FHAD1: variants seen among roughly 807,000 people sequenced by gnomAD.
FHAD1 encodes the protein forkhead associated phosphopeptide binding domain 1, also known as forkhead-associated domain-containing protein 1.
Under a neutral mutation model 191.3 loss-of-function variants are expected in FHAD1, and 146 were observed. The ratio of observed to expected loss-of-function variants is 0.76; its 90% CI spans 0.67 to 0.88. FHAD1 has a LOEUF of 0.88. Among genes scored for constraint, FHAD1 ranks in the 40% least tolerant of loss-of-function variants. FHAD1 has a pLI of 0.00. For synonymous variants in FHAD1, 616 were observed against 672.3 expected (o/e 0.92, Z 1.29); for missense variants, 1,635 against 1,785.8 (o/e 0.92, Z 1.52).
At chr1:15,392,150 C>A (rs1393438683) in intron 33 of FHAD1, among the ~76,000 whole-genome samples, 1 of 152,182 alleles carries the variant, frequency 6.6e-6, no homozygotes, top group Non-Finnish European at 1.5e-5. Flanking sequence ...ATTTATCCAG[C>A]CCTCCAGCCA....
rs563318873 is a variant in FHAD1, at chr1:15,260,139, G to A, written c.93+8262G>A. 3.3e-5 allele frequency among the ~76,000 whole-genome samples: 5 copies of A among 152,320 alleles called. No individual in the cohort carries two copies. In the South Asian group the frequency reaches 1.0e-3, roughly 32 times the overall value. The stretch of plus-strand genomic sequence containing the variant: ...AACGTAGGCAGAATGGGTGGACAAA[G>A]AACAGAAGGGCGGCTCTAGAACAGG... On this transcript the variant is annotated intron_variant, in intron 2 of 33. Coordinates refer to ENST00000688493, the MANE Select transcript of FHAD1 (RefSeq NM_001391957.1).
intron 31 of FHAD1, chr1:15,383,989 T>C: frequency 3.0e-6 from 1 of 335,400 alleles, no homozygotes; most frequent in Non-Finnish European, 6.0e-6. Context: ...CGTGTGTGTG[T>C]ACATTCTCAT....
At chr1:15,362,831 A>G in intron 23 of FHAD1, 105 bp downstream of exon 23, 1 of 848,732 alleles carries the variant, frequency 1.2e-6, no homozygotes, top group Non-Finnish European at 1.9e-6. Flanking sequence ...TCAGAAGCCA[A>G]ACAAGGAGCC....
chr1:15,260,090 G>A (rs574460292), intron 2 of FHAD1, among the ~76,000 whole-genome samples: 5 of 152,300 alleles, frequency 3.3e-5, no homozygotes, highest in East Asian at 1.9e-4. Flanking sequence ...GATTGTCTTC[G>A]TTATTTTGAA....
chr1:15,388,278 T>A (rs3737694), intron 32 of FHAD1, 147 bp downstream of exon 32: 56,610 of 150,168 alleles, frequency 0.38, 9,569 homozygotes, highest in African/African-American at 0.76. Context: ...CCTCTGCCCC[T>A]CGTCCCTCCC....
intron 3 of FHAD1, among the ~76,000 whole-genome samples, chr1:15,279,554 CAAAAAAAAA>C (rs57662759): frequency 1.0e-5 from 1 of 96,878 alleles, no homozygotes; most frequent in African/African-American, 3.5e-5. Context: ...CCTTAAAACT[CAAAAAAAAA>C]AAAAAAAAAA....
At chr1:15,361,456 G>A (rs1694784707) in intron 22 of FHAD1, among the ~76,000 whole-genome samples, 1 of 151,610 alleles carries the variant, frequency 6.6e-6, no homozygotes, top group Non-Finnish European at 1.5e-5. Flanking sequence ...AAACATGGCT[G>A]TAGTCCCCAG....
intron 22 of FHAD1, among the ~76,000 whole-genome samples, chr1:15,361,270 T>C (rs1363639110): frequency 1.3e-5 from 2 of 152,146 alleles, no homozygotes; most frequent in East Asian, 3.9e-4. Flanking sequence ...CTGTTGACAT[T>C]TGGAGCAGGA....
intron 16 of FHAD1, among the ~76,000 whole-genome samples, chr1:15,343,088 A>G (rs946102235): frequency 1.3e-5 from 2 of 152,028 alleles, no homozygotes; most frequent in Non-Finnish European, 2.9e-5. Context: ...ATGAGCCACC[A>G]TACCTGAGGG....
At chr1:15,398,784 CAAAA>C (rs5772639), downstream of FHAD1, among the ~76,000 whole-genome samples, 1 of 133,782 alleles carries the variant, frequency 7.5e-6, no homozygotes, top group African/African-American at 2.8e-5. Flanking sequence ...GCCAGGCAGC[CAAAA>C]AAAAAAAAAA....
intron 19 of FHAD1, 117 bp from the exon 20 acceptor site, chr1:15,352,760 G>C (rs1691324504): frequency 1.4e-6 from 1 of 725,138 alleles, no homozygotes; most frequent in South Asian, 1.8e-5. Flanking sequence ...TGTTCTTTGA[G>C]ATCTTTCTCT....
Position 15,393,430 on chromosome 1 carries a change from GCACA to G in FHAD1, c.4323+2189_4323+2192del, listed in dbSNP as rs57536175. On this transcript the variant is annotated intron_variant, in intron 33 of 33. Transcript: ENST00000688493. ...CATAGATGTGGACACACACACACACGCACACACACACACACACACACACACTGCT... is the reference window on the plus strand; with the variant it reads ...CATAGATGTGGACACACACACACACGCACACACACACACACACACACTGCT... Among the ~76,000 whole-genome samples, 163 of 146,824 alleles carry G rather than the reference GCACA, an allele frequency of 1.1e-3. 1 individual carries two copies. Among genetic ancestry groups the G allele is most frequent in the East Asian group, 3.2e-3 (16 of 4,976 alleles).
chr1:15,394,778 T>C (rs77814836), intron 33 of FHAD1, among the ~76,000 whole-genome samples: 386 of 152,280 alleles, frequency 2.5e-3, no homozygotes, highest in African/African-American at 8.8e-3. Flanking sequence ...GAAACGCGAC[T>C]AGCCACCCAG....
At chr1:15,402,977 GC>G (rs1203234259), downstream of FHAD1, 2 of 152,160 alleles carry the variant, frequency 1.3e-5, no homozygotes, top group African/African-American at 4.8e-5. Flanking sequence ...AATGAGCATG[GC>G]CATGTTTCAA....
At chr1:15,244,051 A>AT (rs60249162), upstream of FHAD1, among the ~76,000 whole-genome samples, 16,581 of 148,990 alleles carry the variant, frequency 0.11, 1,003 homozygotes, top group East Asian at 0.18. The surrounding 1 kb of genome is among the most constrained non-coding windows in gnomAD (Gnocchi z 5.1). Flanking sequence ...AGAAACATCT[A>AT]TTTTTTTTTT....
chr1:15,304,936 C>T (rs6693441), intron 6 of FHAD1, among the ~76,000 whole-genome samples: 8,836 of 143,834 alleles, frequency 0.061, 270 homozygotes, highest in African/African-American at 0.082. Flanking sequence ...GTGCAGGGCA[C>T]ACCGTATCTG....
intron 16 of FHAD1, among the ~76,000 whole-genome samples, chr1:15,342,494 G>A (rs2102273267): frequency 6.6e-6 from 1 of 152,258 alleles, no homozygotes; most frequent in African/African-American, 2.4e-5. Flanking sequence ...TTAGGGCGAA[G>A]GCTTAGAGGA....
At position 15,308,519 on chromosome 1, in the gene FHAD1, C is replaced by A. The variant is rs560172239; in HGVS notation, c.916-94C>A. The A allele has an allele frequency of 4.0e-5, 60 of 1,493,384 alleles. No individual in the cohort carries two copies. The African/African-American group carries it at 8.1e-4, about 20-fold the overall frequency. The allele number at this position is 1,493,384 out of a possible 1,614,324, so 92.5% of individuals were successfully genotyped here. On this transcript the variant is annotated intron_variant, in intron 6 of 33. Transcript: ENST00000688493. The stretch of plus-strand genomic sequence containing the variant: ...TTTCCCCAACACCCCAGCCAAAACT[C>A]AATCTGAATCTTTCTGTCAAGCTTG...
chr1:15,396,979 TC>T (rs971639322), intron 33 of FHAD1, among the ~76,000 whole-genome samples: 1 of 141,496 alleles, frequency 7.1e-6, no homozygotes, highest in African/African-American at 2.7e-5. Flanking sequence ...GGTCAGGAGA[TC>T]AAGACCATCC....
Sources: allele counts gnomAD v4.1 joint callset (sites outside exome capture counted in the v4.1 genomes callset), GRCh38; gene constraint gnomAD v4.1.1; non-coding constraint Gnocchi (gnomAD v3.1); transcripts MANE v1.5; gene names NCBI Gene and HGNC (gene_info 2026-07-23, HGNC 2026-07-21).